Variants in DIS3L2 observed in about 807,000 individuals in gnomAD.
DIS3L2 encodes the protein DIS3 like 3'-5' exoribonuclease 2.
Under a neutral mutation model 97.5 loss-of-function variants are expected in DIS3L2, and 34 were observed. The ratio of observed to expected loss-of-function variants is 0.35; its 90% CI spans 0.27 to 0.46. The LOEUF is 0.46. Among genes scored for constraint, DIS3L2 ranks in the 20% least tolerant of loss-of-function variants. The pLI is 1.00. For missense variants in DIS3L2, 1,038 were observed against 1,146.0 expected, an observed-to-expected ratio of 0.91 and a Z score of 1.36; for synonymous variants, 435 against 445.2, an observed-to-expected ratio of 0.98 and a Z score of 0.29.
intron 8 of DIS3L2, among the ~76,000 whole-genome samples, chr2:232,158,009 G>C (rs564564499): frequency 6.6e-6 from 1 of 152,086 alleles, no homozygotes; most frequent in African/African-American, 2.4e-5. Context: ...CTTTTCCCTA[G>C]ATGCCCTTGT....
chr2:232,039,270 T>C (rs530374555), intron 5 of DIS3L2, among the ~76,000 whole-genome samples: 9 of 152,338 alleles, frequency 5.9e-5, no homozygotes, highest in Admixed American at 5.9e-4. Context: ...CGGACTGTCA[T>C]CAAGAATCCC....
chr2:232,193,273 T>A (rs1455803297), intron 9 of DIS3L2, among the ~76,000 whole-genome samples: 4 of 152,364 alleles, frequency 2.6e-5, no homozygotes, highest in Non-Finnish European at 1.5e-5. Flanking sequence ...AATGCTGCTA[T>A]CACAGGAGTG....
chr2:232,057,467 A>G (rs1055754855), intron 5 of DIS3L2, among the ~76,000 whole-genome samples: 1 of 152,122 alleles, frequency 6.6e-6, no homozygotes, highest in Non-Finnish European at 1.5e-5. Context: ...CGTAAGAGAG[A>G]TTATCTTTGT....
In DIS3L2 at chr2:232,281,024, G is replaced by A. The variant is rs2106301052; in HGVS notation, c.1659+17584G>A. Among the ~76,000 whole-genome samples, 1 of 152,332 alleles carries A rather than the reference G, an allele frequency of 6.6e-6. No homozygotes were observed. The highest frequency in any genetic ancestry group is 3.4e-3 in the Middle Eastern group (1 of 294). On this transcript the variant is annotated intron_variant, in intron 13 of 20. Transcript: ENST00000325385. This position sits in a 1 kb window ranked among gnomAD's most constrained non-coding sequence, Gnocchi z 4.1. The stretch of plus-strand genomic sequence containing the variant: ...AGGCCATTGGTGTGGCTGTGTCAGA[G>A]GAAGGGCTCCCAGTGGTGGTGGGAA...
At position 232,249,309 on chromosome 2, in the gene DIS3L2, CCTT is replaced by C. The variant is rs1693355822; in HGVS notation, c.1391_1393del (p.Phe464del). The C allele has an allele frequency of 1.9e-6, 3 of 1,614,242 alleles. No homozygotes were observed. The highest frequency in any genetic ancestry group is 2.5e-6 in the Non-Finnish European group (3 of 1,180,038). ...CTCAACCCCATGTCCGACAAGCTGA[CCTT>C]CTCTGTGATCTGGACACTGACTCCA... is the stretch of plus-strand genomic sequence containing the variant. On this transcript the variant is annotated inframe_deletion, in exon 12 of 21. Coordinates refer to ENST00000325385, the MANE Select transcript of DIS3L2 (RefSeq NM_152383.5).
intron 1 of DIS3L2, among the ~76,000 whole-genome samples, chr2:231,999,659 T>G (rs1178200483): frequency 2.0e-5 from 3 of 152,240 alleles, no homozygotes; most frequent in African/African-American, 4.8e-5. Flanking sequence ...ATAAAAAACC[T>G]ATTAACCAGA....
Position 232,024,310 on chromosome 2 carries a change from G to A in DIS3L2, c.244G>A (p.Glu82Lys). ...GAGAATTAATCCAAAGAAGTTTCAT[G>A]AAGCCTTCATTCCTTCCCCGGTAAG... ...VLRINPKKFH[E>K]AFIPSPDGDR... The change falls in exon 4 of 21, where the codon GAA becomes AAA. Residue 82 changes from glutamate to lysine, a missense_variant. Glu to Lys is a moderately conservative substitution (Grantham distance 56). Coordinates refer to ENST00000325385, the MANE Select transcript of DIS3L2 (RefSeq NM_152383.5). 1.2e-6 allele frequency: 2 copies of A among 1,603,670 alleles called. No individual in the cohort carries two copies. Among genetic ancestry groups the A allele is most frequent in the Non-Finnish European group, 1.7e-6 (2 of 1,175,792 alleles).
At chr2:231,967,411 A>G (rs573413754) in intron 1 of DIS3L2, among the ~76,000 whole-genome samples, 2 of 152,294 alleles carry the variant, frequency 1.3e-5, no homozygotes, top group Admixed American at 6.5e-5. Context: ...AGCCCCAAAC[A>G]TTTCTGTTTA....
At chr2:232,253,684 G>A (rs1010420924) in intron 12 of DIS3L2, among the ~76,000 whole-genome samples, 2 of 152,070 alleles carry the variant, frequency 1.3e-5, no homozygotes, top group Non-Finnish European at 2.9e-5. Flanking sequence ...GGGAGGGAGT[G>A]TGTATGGAAG....
chr2:231,985,953 G>A (rs1008250803), intron 1 of DIS3L2, among the ~76,000 whole-genome samples: 1 of 152,324 alleles, frequency 6.6e-6, no homozygotes, highest in Admixed American at 6.5e-5. Context: ...CCATCCAATT[G>A]GCTGCCAGTG....
chr2:232,206,222 C>T (rs527795391), intron 9 of DIS3L2, among the ~76,000 whole-genome samples: 1 of 152,332 alleles, frequency 6.6e-6, no homozygotes, highest in East Asian at 1.9e-4. Flanking sequence ...TTAAAGGCTC[C>T]TCGAAGTCCT....
At chr2:232,303,578 A>G (rs895796879) in intron 14 of DIS3L2, among the ~76,000 whole-genome samples, 4 of 152,234 alleles carry the variant, frequency 2.6e-5, no homozygotes, top group African/African-American at 4.8e-5. Flanking sequence ...CTGTTTGCCA[A>G]ATTCAATCCA....
rs190929354 is a variant in DIS3L2, at chr2:232,082,814, T to C, written c.367-4673T>C. Among the ~76,000 whole-genome samples the C allele has an allele frequency of 2.5e-3, 383 of 152,330 alleles. 5 individuals carry two copies. The highest frequency in any genetic ancestry group is 1.6e-3 in the Non-Finnish European group (108 of 68,032). On this transcript the variant is annotated intron_variant, in intron 5 of 20. Transcript: ENST00000325385. ...TACTCTGGTTGTTGCTTTCCACTGATCTTCTGTATTAGTCCATTTTCATAA... is the reference window on the plus strand; with the variant it reads ...TACTCTGGTTGTTGCTTTCCACTGACCTTCTGTATTAGTCCATTTTCATAA...
At chr2:232,225,650 T>G (rs971926798) in intron 10 of DIS3L2, among the ~76,000 whole-genome samples, 2 of 152,204 alleles carry the variant, frequency 1.3e-5, no homozygotes, top group Non-Finnish European at 2.9e-5. Flanking sequence ...GGTGGTTACC[T>G]AAGTATATTT....
At chr2:232,145,632 G>C (rs974643825) in intron 8 of DIS3L2, among the ~76,000 whole-genome samples, 1 of 152,112 alleles carries the variant, frequency 6.6e-6, no homozygotes, top group Admixed American at 6.6e-5. Context: ...ATTTTTTGAT[G>C]TGTTAATAAG....
rs904461210 is a variant in DIS3L2, at chr2:232,276,044, A to T, written c.1659+12604A>T. ...TAGAAATTATTTAATTGCTCCTTGAATCGTGACCTCCTGGGGTAAAGGAAA... is the reference window on the plus strand; with the variant it reads ...TAGAAATTATTTAATTGCTCCTTGATTCGTGACCTCCTGGGGTAAAGGAAA... On this transcript the variant is annotated intron_variant, in intron 13 of 20. Coordinates refer to ENST00000325385, the MANE Select transcript of DIS3L2 (RefSeq NM_152383.5). The surrounding 1 kb of genome is among the most constrained non-coding windows in gnomAD (Gnocchi z 4.4). Among the ~76,000 whole-genome samples, 2 of 152,246 alleles carry T rather than the reference A, an allele frequency of 1.3e-5. No homozygotes were observed. Among genetic ancestry groups the T allele is most frequent in the African/African-American group, 4.8e-5 (2 of 41,464 alleles).
chr2:232,170,364 G>A (rs943848951), intron 9 of DIS3L2, among the ~76,000 whole-genome samples: 1 of 152,112 alleles, frequency 6.6e-6, no homozygotes, highest in Non-Finnish European at 1.5e-5. Context: ...ACACTAAACC[G>A]ATCTTTATGT....
At chr2:232,117,547 A>T (rs11677466) in intron 6 of DIS3L2, among the ~76,000 whole-genome samples, 8,441 of 152,266 alleles carry the variant, frequency 0.055, 329 homozygotes, top group Non-Finnish European at 0.086. Flanking sequence ...TGTCAAATGA[A>T]TCTTCCTGCA....
chr2:232,317,566 A>G (rs534846088), intron 14 of DIS3L2, among the ~76,000 whole-genome samples: 5 of 152,098 alleles, frequency 3.3e-5, no homozygotes, highest in African/African-American at 9.6e-5. Flanking sequence ...CCTCCCGGGT[A>G]GCTGGGATTA....
Sources: allele counts gnomAD v4.1 joint callset (sites outside exome capture counted in the v4.1 genomes callset), GRCh38; gene constraint gnomAD v4.1.1; non-coding constraint Gnocchi (gnomAD v3.1); transcripts MANE v1.5; gene names NCBI Gene and HGNC (gene_info 2026-07-23, HGNC 2026-07-21).